Variants in PLA2G4A observed in about 807,000 individuals in gnomAD.
PLA2G4A encodes phospholipase A2 group IVA.
In PLA2G4A, 40 loss-of-function variants were observed where a neutral mutation model predicts 81.9. The ratio of observed to expected loss-of-function variants is 0.49; its 90% CI spans 0.38 to 0.64. PLA2G4A has a LOEUF of 0.64. PLA2G4A is among the 30% of genes least tolerant of loss of function. The pLI, the probability that PLA2G4A is intolerant of heterozygous loss-of-function variation, is 0.00. For synonymous variants in PLA2G4A, 302 were observed against 296.9 expected (o/e 1.02, Z -0.18); for missense variants, 715 against 905.1 (o/e 0.79, Z 2.69).
rs1262756655 is a variant in PLA2G4A, at chr1:186,946,660, G to A, written c.1057G>A (p.Glu353Lys). 4 of 1,610,764 alleles carry A rather than the reference G, an allele frequency of 2.5e-6. No homozygotes were observed. The highest frequency in any genetic ancestry group is 3.4e-6 in the Non-Finnish European group (4 of 1,177,310). ...AGATTGGGTTGAATTTAGTCCATAC[G>A]AAATTGGCATGGCTAAATATGGTAC... is the stretch of plus-strand genomic sequence containing the variant. ...FADWVEFSPY[E>K]IGMAKYGTFM... Residue 353 changes from glutamate (E) to lysine (K), a missense_variant, in exon 11 of 18, where the codon GAA becomes AAA. Physicochemically the swap from Glu to Lys is moderately conservative, Grantham distance 56. Transcript: ENST00000367466.
intron 17 of PLA2G4A, among the ~76,000 whole-genome samples, chr1:186,981,288 TGTATCTTA>T (rs1464540944): frequency 3.3e-5 from 5 of 152,224 alleles, no homozygotes; most frequent in Non-Finnish European, 2.9e-5. Flanking sequence ...TATACATATG[TGTATCTTA>T]ACCAAATACA....
chr1:186,880,381 AT>A (rs1481573263), intron 3 of PLA2G4A, among the ~76,000 whole-genome samples: 3 of 151,938 alleles, frequency 2.0e-5, no homozygotes, highest in African/African-American at 7.2e-5. Flanking sequence ...GAGCTTAGCT[AT>A]TTTTTTATGA....
At chr1:186,912,802 A>ATATACATAAGTG (rs1655008957) in intron 7 of PLA2G4A, among the ~76,000 whole-genome samples, 1 of 143,812 alleles carries the variant, frequency 7.0e-6, no homozygotes, top group African/African-American at 2.6e-5. Context: ...ATATGTATAT[A>ATATACATAAGTG]TATATATACA....
intron 1 of PLA2G4A, among the ~76,000 whole-genome samples, chr1:186,829,929 G>C (rs1558337800): frequency 6.6e-6 from 1 of 152,184 alleles, no homozygotes; most frequent in South Asian, 2.1e-4. Context: ...GTCTGAATGG[G>C]TGTCAATTCT....
At chr1:186,852,192 T>G (rs1168538480) in intron 1 of PLA2G4A, among the ~76,000 whole-genome samples, 1 of 151,986 alleles carries the variant, frequency 6.6e-6, no homozygotes, top group Non-Finnish European at 1.5e-5. Flanking sequence ...CTTCATAGAA[T>G]TTATATTCTA....
intron 7 of PLA2G4A, among the ~76,000 whole-genome samples, chr1:186,920,122 C>T (rs1004239141): frequency 2.6e-5 from 4 of 152,174 alleles, no homozygotes; most frequent in Non-Finnish European, 5.9e-5. Context: ...GGTTTTATCT[C>T]TTGGCCTGGC....
At chr1:186,832,310 A>G (rs1233728075) in intron 1 of PLA2G4A, among the ~76,000 whole-genome samples, 1 of 152,114 alleles carries the variant, frequency 6.6e-6, no homozygotes, top group Non-Finnish European at 1.5e-5. Context: ...TCTAAAAAAA[A>G]TTTTATTACT....
chr1:186,948,665 G>A (rs562030907), intron 12 of PLA2G4A, among the ~76,000 whole-genome samples: 73 of 152,296 alleles, frequency 4.8e-4, no homozygotes, highest in African/African-American at 1.7e-3. Context: ...AGATCTGAAT[G>A]TGGGTGAGAC....
chr1:186,915,427 C>G (rs541217533), intron 7 of PLA2G4A, among the ~76,000 whole-genome samples: 3 of 152,244 alleles, frequency 2.0e-5, no homozygotes, highest in African/African-American at 7.2e-5. Flanking sequence ...AGTATCCCCA[C>G]GAGCCAACTT....
chr1:186,929,225 T>C (rs1042286707), intron 7 of PLA2G4A, among the ~76,000 whole-genome samples: 4 of 152,230 alleles, frequency 2.6e-5, no homozygotes, highest in Non-Finnish European at 5.9e-5. Context: ...ATCTTGATTG[T>C]ATTACTTATT....
intron 12 of PLA2G4A, among the ~76,000 whole-genome samples, chr1:186,949,424 T>C (rs1656468638): frequency 7.3e-6 from 1 of 137,108 alleles, no homozygotes; most frequent in Non-Finnish European, 1.6e-5. Flanking sequence ...AGAAAGGCAA[T>C]AGAAAGAAAG....
At chr1:186,935,792 G>A (rs772729987) in intron 8 of PLA2G4A, among the ~76,000 whole-genome samples, 1 of 151,856 alleles carries the variant, frequency 6.6e-6, no homozygotes, top group African/African-American at 2.4e-5. Context: ...GCTGATACAC[G>A]GCCATTATTT....
chr1:186,875,811 G>A (rs1298938337), intron 3 of PLA2G4A, among the ~76,000 whole-genome samples: 1 of 152,042 alleles, frequency 6.6e-6, no homozygotes, highest in Admixed American at 6.6e-5. Context: ...CTTTGGTTCC[G>A]ATGTGGCATC....
In PLA2G4A at chr1:186,979,471, A is replaced by G. The variant is rs376891790; in HGVS notation, c.2117A>G (p.Asp706Gly). The change falls in exon 17 of 18, where the codon GAT becomes GGT. Residue 706 changes from aspartate (D) to glycine (G), a missense_variant and splice_region_variant. By Grantham distance (94) the Asp-to-Gly change is moderately conservative. Transcript: ENST00000367466. ...LMHFNTLNNI[D>G]VIKEAMVESI... ...CACTTCAATACTCTGAACAACATTG[A>G]TGTAAGTATCTCCTATGGCCATTGA... 1 of 1,577,158 alleles carries G rather than the reference A, an allele frequency of 6.3e-7. No homozygotes were observed.
chr1:186,889,580 A>T (rs911846353), intron 3 of PLA2G4A, among the ~76,000 whole-genome samples: 3 of 152,242 alleles, frequency 2.0e-5, no homozygotes, highest in Admixed American at 1.3e-4. Context: ...AAAGAAGCTG[A>T]TGACTACATA....
chr1:186,857,175 A>AATATATATTAT (rs1553268920), intron 2 of PLA2G4A, among the ~76,000 whole-genome samples: 7 of 19,718 alleles, frequency 3.6e-4, no homozygotes, highest in African/African-American at 5.6e-4. Context: ...ATAATTATAT[A>AATATATATTAT]ATATGTCTGC....
intron 2 of PLA2G4A, among the ~76,000 whole-genome samples, chr1:186,860,944 G>A (rs1652775230): frequency 6.6e-6 from 1 of 152,096 alleles, no homozygotes; most frequent in African/African-American, 2.4e-5. Context: ...CGTAAGTATA[G>A]TATAGCTGAT....
intron 17 of PLA2G4A, among the ~76,000 whole-genome samples, chr1:186,987,147 T>C (rs1373053070): frequency 6.6e-6 from 1 of 152,242 alleles, no homozygotes; most frequent in Non-Finnish European, 1.5e-5. Context: ...AGAAAAATAA[T>C]TGCATGTTTG....
intron 10 of PLA2G4A, among the ~76,000 whole-genome samples, chr1:186,942,913 C>G (rs556980465): frequency 6.6e-6 from 1 of 152,020 alleles, no homozygotes; most frequent in Non-Finnish European, 1.5e-5. Context: ...CAGATTTAGA[C>G]AAAATCATTA....
Sources: gnomAD v4.1 joint callset for allele counts (sites outside exome capture counted in the v4.1 genomes callset) on GRCh38, gnomAD v4.1.1 for gene constraint, MANE v1.5 for transcripts, NCBI Gene and HGNC (gene_info 2026-07-23, HGNC 2026-07-21) for gene names.